ST6GALNAC5: variants seen among roughly 807,000 people sequenced by gnomAD.
ST6GALNAC5 encodes ST6 N-acetylgalactosaminide alpha-2,6-sialyltransferase 5.
In ST6GALNAC5, 27 loss-of-function variants were observed where a neutral mutation model predicts 33.6. That is an observed-to-expected ratio of 0.80 (90% confidence interval 0.59 to 1.11). The LOEUF is 1.11. Among genes scored for constraint, ST6GALNAC5 ranks in the 50% least tolerant of loss-of-function variants. ST6GALNAC5 has a pLI of 0.00. For missense variants in ST6GALNAC5, 428 were observed against 454.0 expected (o/e 0.94, Z 0.52); for synonymous variants, 194 against 171.2 (o/e 1.13, Z -1.04).
At chr1:76,969,620 C>A (rs1648654091) in intron 2 of ST6GALNAC5, among the ~76,000 whole-genome samples, 1 of 152,198 alleles carries the variant, frequency 6.6e-6, no homozygotes, top group African/African-American at 2.4e-5. Context: ...CAAAAGGCAG[C>A]AGAAACTTCT....
intron 2 of ST6GALNAC5, among the ~76,000 whole-genome samples, chr1:76,891,253 A>G (rs1314984853): frequency 6.6e-6 from 1 of 152,178 alleles, no homozygotes; most frequent in Admixed American, 6.5e-5. Context: ...CTTTGCCAAC[A>G]CATGTTATCA....
At chr1:76,871,865 C>A (rs1653512383) in intron 2 of ST6GALNAC5, among the ~76,000 whole-genome samples, 1 of 152,062 alleles carries the variant, frequency 6.6e-6, no homozygotes, top group Admixed American at 6.6e-5. Context: ...GACCAATTCC[C>A]ACAAATGTTC....
intron 2 of ST6GALNAC5, among the ~76,000 whole-genome samples, chr1:76,906,080 C>A (rs571443831): frequency 6.6e-6 from 1 of 152,090 alleles, no homozygotes; most frequent in Non-Finnish European, 1.5e-5. Flanking sequence ...CATAATGAAC[C>A]CTCCCTTTTT....
intron 2 of ST6GALNAC5, among the ~76,000 whole-genome samples, chr1:76,906,608 A>G (rs1466913724): frequency 1.3e-5 from 2 of 152,178 alleles, no homozygotes; most frequent in Non-Finnish European, 2.9e-5. Context: ...CAGGCATGAC[A>G]AGAATTTATA....
At chr1:77,002,648 A>T (rs1452706830) in intron 2 of ST6GALNAC5, among the ~76,000 whole-genome samples, 1 of 150,612 alleles carries the variant, frequency 6.6e-6, no homozygotes, top group East Asian at 2.0e-4. Flanking sequence ...ATTTCCCTCT[A>T]CACACTGCTT....
At chr1:76,967,198 T>A (rs2100359066) in intron 2 of ST6GALNAC5, among the ~76,000 whole-genome samples, 1 of 152,310 alleles carries the variant, frequency 6.6e-6, no homozygotes, top group Middle Eastern at 3.4e-3. Flanking sequence ...GTATCTCTGG[T>A]ACAATTCGGC....
At chr1:76,997,379 T>A (rs1285019938) in intron 2 of ST6GALNAC5, among the ~76,000 whole-genome samples, 1 of 152,160 alleles carries the variant, frequency 6.6e-6, no homozygotes, top group Admixed American at 6.5e-5. Context: ...AAGGAATGTT[T>A]TGCTTGAAAC....
intron 2 of ST6GALNAC5, among the ~76,000 whole-genome samples, chr1:76,986,508 G>A (rs573465362): frequency 6.6e-6 from 1 of 152,246 alleles, no homozygotes. Flanking sequence ...AAAAAGTCAG[G>A]AAACAATAGA....
chr1:76,980,689 C>T (rs1649213328), intron 2 of ST6GALNAC5, among the ~76,000 whole-genome samples: 1 of 152,100 alleles, frequency 6.6e-6, no homozygotes, highest in Non-Finnish European at 1.5e-5. Context: ...GGGAATGGAA[C>T]CACCTTTCCA....
At chr1:76,875,824 C>T (rs1296595559) in intron 2 of ST6GALNAC5, among the ~76,000 whole-genome samples, 3 of 152,076 alleles carry the variant, frequency 2.0e-5, no homozygotes, top group South Asian at 4.1e-4. Context: ...GAGAACTTTG[C>T]CCCAGCCCTG....
chr1:76,897,529 G>C (rs897524083), intron 2 of ST6GALNAC5, among the ~76,000 whole-genome samples: 1 of 152,128 alleles, frequency 6.6e-6, no homozygotes, highest in African/African-American at 2.4e-5. Flanking sequence ...CATTAATCGG[G>C]GTAAAGGTGG....
chr1:77,041,978 A>T (rs1334820280), intron 2 of ST6GALNAC5, among the ~76,000 whole-genome samples: 14 of 152,140 alleles, frequency 9.2e-5, no homozygotes, highest in Admixed American at 8.5e-4. Context: ...TGCTTATTCT[A>T]CTGCACTGTG....
intron 2 of ST6GALNAC5, among the ~76,000 whole-genome samples, chr1:76,972,159 A>C (rs1410903237): frequency 1.3e-5 from 2 of 152,202 alleles, no homozygotes; most frequent in East Asian, 3.8e-4. Context: ...TCATGGTGGA[A>C]GGCGAAGGAG....
intron 2 of ST6GALNAC5, among the ~76,000 whole-genome samples, chr1:76,954,271 T>G (rs915055844): frequency 2.0e-5 from 3 of 152,034 alleles, no homozygotes; most frequent in African/African-American, 7.2e-5. Context: ...AGCAAACTAA[T>G]GCAGGAACAG....
intron 2 of ST6GALNAC5, among the ~76,000 whole-genome samples, chr1:77,042,829 A>T (rs1371192850): frequency 2.6e-5 from 4 of 152,156 alleles, no homozygotes; most frequent in Admixed American, 2.6e-4. Flanking sequence ...ATGAGGTTTT[A>T]ACCTCAGTTA....
intron 2 of ST6GALNAC5, among the ~76,000 whole-genome samples, chr1:76,874,237 A>G (rs1653574930): frequency 1.3e-5 from 2 of 152,322 alleles, no homozygotes; most frequent in South Asian, 4.1e-4. Context: ...AAGCAACTTC[A>G]AAGTGGCTTG....
At chr1:76,905,686 T>C (rs571411870) in intron 2 of ST6GALNAC5, among the ~76,000 whole-genome samples, 2 of 152,380 alleles carry the variant, frequency 1.3e-5, no homozygotes, top group African/African-American at 2.4e-5. Context: ...TTTCCACTTG[T>C]AAAGACAAAA....
chr1:77,002,768 C>T (rs201731611), intron 2 of ST6GALNAC5, among the ~76,000 whole-genome samples: 934 of 122,640 alleles, frequency 7.6e-3, no homozygotes, highest in South Asian at 0.012. Flanking sequence ...CATTCAGGAG[C>T]AGGTTGTTCA....
chr1:76,934,988 A>G (rs1241885515), intron 2 of ST6GALNAC5, among the ~76,000 whole-genome samples: 1 of 152,082 alleles, frequency 6.6e-6, no homozygotes, highest in Non-Finnish European at 1.5e-5. Flanking sequence ...GTCAAATTTT[A>G]CTTGGCTTAA....
Sources: gnomAD v4.1 joint callset for allele counts (sites outside exome capture counted in the v4.1 genomes callset) on GRCh38, gnomAD v4.1.1 for gene constraint, MANE v1.5 for transcripts, NCBI Gene and HGNC (gene_info 2026-07-23, HGNC 2026-07-21) for gene names.